The following ALK variants were observed in gnomAD, a reference collection of about 807,000 sequenced individuals.
ALK encodes ALK tyrosine kinase receptor.
A neutral mutation model predicts 163.1 loss-of-function variants in ALK; 74 were observed. That is an observed-to-expected ratio of 0.45 (90% CI 0.38 to 0.55). The LOEUF (loss-of-function observed/expected upper bound fraction) is 0.55. ALK is among the 20% of genes least tolerant of loss of function. The pLI, the probability that ALK is intolerant of heterozygous loss-of-function variation, is 0.00. For missense variants in ALK, 2,063 were observed against 2,105.3 expected, an observed-to-expected ratio of 0.98 and a Z score of 0.39; for synonymous variants, 960 against 843.2, an observed-to-expected ratio of 1.14 and a Z score of -2.40.
chr2:29,544,768 C>T (rs967720990), intron 3 of ALK, among the ~76,000 whole-genome samples: 1 of 152,062 alleles, frequency 6.6e-6, no homozygotes, highest in East Asian at 1.9e-4. Context: ...AGTTACTGCA[C>T]TGGTCTCGCT....
At chr2:29,695,715 G>C (rs544118874) in intron 2 of ALK, among the ~76,000 whole-genome samples, 44 of 152,198 alleles carry the variant, frequency 2.9e-4, no homozygotes, top group African/African-American at 1.0e-3. Context: ...GATATGAACA[G>C]ACATTTCTCA....
intron 4 of ALK, among the ~76,000 whole-genome samples, chr2:29,392,068 G>C (rs1373703821): frequency 2.0e-5 from 3 of 152,208 alleles, no homozygotes; most frequent in Admixed American, 6.5e-5. Context: ...CCTAAATCCA[G>C]TGTGGCTGAT....
At chr2:29,778,777 G>T (rs1175353593) in intron 1 of ALK, among the ~76,000 whole-genome samples, 1 of 152,142 alleles carries the variant, frequency 6.6e-6, no homozygotes, top group Non-Finnish European at 1.5e-5. Flanking sequence ...AAGGAAAGGG[G>T]AGGGGCTGTA....
At chr2:29,885,043 A>T (rs1666953354) in intron 1 of ALK, among the ~76,000 whole-genome samples, 1 of 152,224 alleles carries the variant, frequency 6.6e-6, no homozygotes, top group African/African-American at 2.4e-5. Flanking sequence ...AACCTTGAAG[A>T]GAAAAGCGAC....
intron 1 of ALK, among the ~76,000 whole-genome samples, chr2:29,838,707 G>T (rs903892010): frequency 2.0e-5 from 3 of 152,252 alleles, no homozygotes; most frequent in African/African-American, 2.4e-5. Flanking sequence ...TGAAGTTCTA[G>T]AACAGACAAA....
chr2:29,215,322 G>A (rs1198935586), intron 23 of ALK, among the ~76,000 whole-genome samples: 4 of 152,180 alleles, frequency 2.6e-5, no homozygotes, highest in Non-Finnish European at 5.9e-5. Context: ...CATAGATCAG[G>A]GCCTCCCCAG....
chr2:29,872,812 C>A (rs1355988951), intron 1 of ALK, among the ~76,000 whole-genome samples: 3 of 152,204 alleles, frequency 2.0e-5, no homozygotes, highest in Non-Finnish European at 4.4e-5. Flanking sequence ...TTTCAATTTT[C>A]TAATCTCTGC....
At chr2:29,428,337 C>T (rs1408236635) in intron 4 of ALK, among the ~76,000 whole-genome samples, 1 of 151,686 alleles carries the variant, frequency 6.6e-6, no homozygotes, top group Admixed American at 6.6e-5. Flanking sequence ...TTGTTCTTTG[C>T]AAAAATCAAC....
At chr2:29,784,022 G>A (rs1046620791) in intron 1 of ALK, among the ~76,000 whole-genome samples, 22 of 152,076 alleles carry the variant, frequency 1.4e-4, no homozygotes, top group Admixed American at 7.2e-4. Flanking sequence ...TTATATAGAA[G>A]AAAGAACAGG....
intron 1 of ALK, among the ~76,000 whole-genome samples, chr2:29,873,344 A>C (rs1364643966): frequency 6.6e-6 from 1 of 152,178 alleles, no homozygotes; most frequent in Non-Finnish European, 1.5e-5. Context: ...GCGGCTGCAG[A>C]AAAGATGTGT....
chr2:29,786,144 C>T (rs772298683), intron 1 of ALK, among the ~76,000 whole-genome samples: 25 of 152,160 alleles, frequency 1.6e-4, no homozygotes, highest in Admixed American at 7.2e-4. Flanking sequence ...CCGATTTTCA[C>T]GTCCCTTGGA....
chr2:29,710,212 C>T (rs1046717262), intron 2 of ALK, among the ~76,000 whole-genome samples: 1 of 152,160 alleles, frequency 6.6e-6, no homozygotes, highest in Non-Finnish European at 1.5e-5. Flanking sequence ...CAAAATGCTC[C>T]TCCTTGCCTT....
At chr2:29,480,790 TAAAA>T (rs11289018) in intron 4 of ALK, among the ~76,000 whole-genome samples, 1,034 of 74,528 alleles carry the variant, frequency 0.014, 17 homozygotes, top group African/African-American at 0.049. Flanking sequence ...ACAGACATCT[TAAAA>T]AAAAAAAAAA....
chr2:29,832,623 C>T (rs777612097), intron 1 of ALK, among the ~76,000 whole-genome samples: 4 of 152,186 alleles, frequency 2.6e-5, no homozygotes, highest in Admixed American at 1.3e-4. Flanking sequence ...GAGGCAATAG[C>T]GAAGCTAAAG....
chr2:29,273,228 C>T (rs948546620), intron 11 of ALK, among the ~76,000 whole-genome samples: 29 of 152,376 alleles, frequency 1.9e-4, no homozygotes, highest in African/African-American at 4.3e-4. Flanking sequence ...AACCATGCAC[C>T]GTGCTGGGCA....
chr2:29,420,296 G>C (rs1435510366), intron 4 of ALK, among the ~76,000 whole-genome samples: 1 of 151,496 alleles, frequency 6.6e-6, no homozygotes, highest in East Asian at 1.9e-4. Flanking sequence ...AAGCTAGTCA[G>C]TAGACAGAAG....
chr2:29,472,353 T>C (rs1250443857), intron 4 of ALK, among the ~76,000 whole-genome samples: 1 of 152,180 alleles, frequency 6.6e-6, no homozygotes, highest in East Asian at 1.9e-4. Context: ...AATCTGTGAG[T>C]GTAGTAAATG....
intron 1 of ALK, among the ~76,000 whole-genome samples, chr2:29,916,210 A>G (rs1325978806): frequency 6.6e-6 from 1 of 152,200 alleles, no homozygotes; most frequent in East Asian, 1.9e-4. Context: ...AGGAATATCA[A>G]TGTCAGAAAA....
intron 4 of ALK, among the ~76,000 whole-genome samples, chr2:29,391,309 G>GC (rs1285135375): frequency 1.4e-5 from 2 of 142,616 alleles, no homozygotes; most frequent in Non-Finnish European, 3.1e-5. Flanking sequence ...TTTTTTTGGG[G>GC]GGGGGGTGGT....
Sources: gnomAD v4.1 joint callset for allele counts (sites outside exome capture counted in the v4.1 genomes callset) on GRCh38, gnomAD v4.1.1 for gene constraint, MANE v1.5 for transcripts, NCBI Gene and HGNC (gene_info 2026-07-23, HGNC 2026-07-21) for gene names.